Variants in DOCK1 observed in about 807,000 individuals in gnomAD.
DOCK1 encodes dedicator of cytokinesis protein 1.
A neutral mutation model predicts 262.7 loss-of-function variants in DOCK1; 138 were observed. The ratio of observed to expected loss-of-function variants is 0.53; its 90% CI spans 0.46 to 0.61. The LOEUF (loss-of-function observed/expected upper bound fraction) is 0.61, where lower values mean the gene tolerates loss of function less well. DOCK1 is among the 20% of genes least tolerant of loss of function. The pLI is 0.00. For synonymous variants in DOCK1, 866 were observed against 867.4 expected (o/e 1.00, Z 0.03); for missense variants, 1,908 against 2,370.7 (o/e 0.80, Z 4.05).
chr10:127,357,670 C>A (rs977739838), intron 32 of DOCK1, among the ~76,000 whole-genome samples: 7 of 152,244 alleles, frequency 4.6e-5, no homozygotes, highest in Admixed American at 4.6e-4. Context: ...GCCTGAGAAG[C>A]GGCCAAGAGG....
Position 127,176,919 on chromosome 10 carries a change from C to A in DOCK1, c.2847+49155C>A, listed in dbSNP as rs1026570323. 6.5e-6 allele frequency: 1 copy of A among 152,704 alleles called. No homozygotes were observed. The highest frequency in any genetic ancestry group is 2.4e-5 in the African/African-American group (1 of 41,412). 9.5% of individuals were successfully genotyped at this position (152,704 alleles called of 1,614,324 possible). On this transcript the variant is annotated intron_variant, in intron 27 of 51. Transcript: ENST00000623213. This position sits in a 1 kb window ranked among gnomAD's most constrained non-coding sequence, Gnocchi z 4.4. ...GAGCAGATAAATGTGGAGAGCCCTC[C>A]GAGGAGGAACGGAAAGAAATCTATT...
chr10:127,159,088 A>AT (rs1311187665), intron 27 of DOCK1, among the ~76,000 whole-genome samples: 1 of 152,198 alleles, frequency 6.6e-6, no homozygotes, highest in Non-Finnish European at 1.5e-5. Context: ...CTATAAGAAC[A>AT]TAGACTCTGC....
In DOCK1 at chr10:127,288,768, A is replaced by G. The variant is rs557214637; in HGVS notation, c.3044+31339A>G. Reference sequence around the variant, plus strand: ...ACATAGTATATACTATACTATGTATATATTTCACACACACACACACACACA... The same window carrying G: ...ACATAGTATATACTATACTATGTATGTATTTCACACACACACACACACACA... On this transcript the variant is annotated intron_variant, in intron 29 of 51. Transcript: ENST00000623213. Among the ~76,000 whole-genome samples, 80 of 120,172 alleles carry G rather than the reference A, an allele frequency of 6.7e-4. 1 individual carries two copies. Among genetic ancestry groups the G allele is most frequent in the Admixed American group, 2.2e-3 (25 of 11,160 alleles). 78.8% of individuals were successfully genotyped at this position (120,172 alleles called of 152,430 possible).
chr10:127,005,901 G>A (rs896809533), intron 10 of DOCK1, among the ~76,000 whole-genome samples: 1 of 152,050 alleles, frequency 6.6e-6, no homozygotes, highest in Non-Finnish European at 1.5e-5. Context: ...AAGTATGTTT[G>A]CATTGCACAT....
intron 1 of DOCK1, among the ~76,000 whole-genome samples, chr10:126,955,705 T>C (rs1252897547): frequency 2.6e-5 from 4 of 152,106 alleles, no homozygotes; most frequent in Non-Finnish European, 5.9e-5. Flanking sequence ...GCTTCCGCTG[T>C]TTTATTTAGT....
intron 3 of DOCK1, among the ~76,000 whole-genome samples, chr10:126,980,118 A>G (rs964140197): frequency 6.6e-6 from 1 of 152,090 alleles, no homozygotes; most frequent in African/African-American, 2.4e-5. Context: ...TGGGATTTGG[A>G]GGTGTCCCGG....
chr10:127,272,717 T>C (rs2060612789), intron 29 of DOCK1, among the ~76,000 whole-genome samples: 1 of 152,326 alleles, frequency 6.6e-6, no homozygotes, highest in South Asian at 2.1e-4. Context: ...TACTTGAGAC[T>C]GGGCAATTTA....
intron 31 of DOCK1, among the ~76,000 whole-genome samples, chr10:127,346,661 G>A (rs548560303): frequency 7.2e-5 from 11 of 152,292 alleles, no homozygotes; most frequent in Admixed American, 2.6e-4. Context: ...TAAAGAAAAC[G>A]TTTGCTTCCC....
At chr10:127,319,996 T>C (rs1274645931) in intron 29 of DOCK1, among the ~76,000 whole-genome samples, 1 of 152,170 alleles carries the variant, frequency 6.6e-6, no homozygotes, top group Non-Finnish European at 1.5e-5. Flanking sequence ...ATGATCATCA[T>C]ATTATATAGG....
intron 29 of DOCK1, among the ~76,000 whole-genome samples, chr10:127,306,840 C>G (rs2135469701): frequency 6.6e-6 from 1 of 152,162 alleles, no homozygotes; most frequent in African/African-American, 2.4e-5. Context: ...ATCTGAAAGT[C>G]TTGATTTCTT....
chr10:127,362,268 A>G lies in DOCK1; in HGVS notation c.3432+56A>G. On this transcript the variant is annotated intron_variant, in intron 33 of 51. Coordinates refer to ENST00000623213, the MANE Select transcript of DOCK1 (RefSeq NM_001290223.2). ...GGGGACATGAGGGAGGCAAACCTGA[A>G]AACCTTCAAAGAAACCTGTAGACAG... 1.9e-6 allele frequency: 3 copies of G among 1,579,180 alleles called. No individual in the cohort carries two copies. The South Asian group carries it at 3.5e-5, about 19-fold the overall frequency.
intron 24 of DOCK1, among the ~76,000 whole-genome samples, chr10:127,107,971 G>T (rs1047882812): frequency 6.6e-6 from 1 of 152,192 alleles, no homozygotes; most frequent in East Asian, 1.9e-4. Context: ...CCGATGGAGG[G>T]TATCATTGAC....
intron 28 of DOCK1, among the ~76,000 whole-genome samples, chr10:127,251,632 T>C (rs891182005): frequency 3.4e-5 from 5 of 148,094 alleles, no homozygotes; most frequent in Non-Finnish European, 6.0e-5. Context: ...ACATGCGGTG[T>C]TTGGTTTTTT....
chr10:127,025,981 A>C (rs138787518), intron 15 of DOCK1: 1 of 227,898 alleles, frequency 4.4e-6, no homozygotes, highest in Non-Finnish European at 8.4e-6. Context: ...GCTTGAACGC[A>C]GGAGGCGGAG....
At chr10:127,407,261 C>G (rs1590927376) in intron 40 of DOCK1, among the ~76,000 whole-genome samples, 1 of 152,192 alleles carries the variant, frequency 6.6e-6, no homozygotes, top group South Asian at 2.1e-4. Flanking sequence ...ATGTATTGTT[C>G]ACAGTTCCGG....
At chr10:127,114,613 A>G (rs2049059772) in intron 25 of DOCK1, among the ~76,000 whole-genome samples, 1 of 133,266 alleles carries the variant, frequency 7.5e-6, no homozygotes, top group Admixed American at 8.3e-5. Flanking sequence ...AGATCTGTGC[A>G]TTCAAGATAC....
chr10:127,126,971 G>A (rs2050002564), intron 26 of DOCK1, among the ~76,000 whole-genome samples: 1 of 152,174 alleles, frequency 6.6e-6, no homozygotes, highest in South Asian at 2.1e-4. Context: ...CATTGCCTTT[G>A]GAGAGGTCTT....
intron 28 of DOCK1, among the ~76,000 whole-genome samples, chr10:127,251,065 C>T (rs529050431): frequency 2.8e-4 from 43 of 151,986 alleles, no homozygotes; most frequent in Admixed American, 1.4e-3. Context: ...AGGGTTCAAG[C>T]GATTCTCCTG....
intron 1 of DOCK1, among the ~76,000 whole-genome samples, chr10:126,970,484 G>A (rs1224062694): frequency 6.6e-6 from 1 of 152,182 alleles, no homozygotes; most frequent in Non-Finnish European, 1.5e-5. Flanking sequence ...GTCATCTGGT[G>A]TCATGGGTAG....
Sources: gnomAD v4.1 joint callset for allele counts (sites outside exome capture counted in the v4.1 genomes callset) on GRCh38, gnomAD v4.1.1 for gene constraint, Gnocchi (gnomAD v3.1) non-coding constraint, MANE v1.5 for transcripts, NCBI Gene and HGNC (gene_info 2026-07-23, HGNC 2026-07-21) for gene names.